Variants in KIF1A observed in about 807,000 individuals in gnomAD.
KIF1A encodes the protein kinesin-like protein KIF1A.
KIF1A carries 46 observed loss-of-function variants against 227.3 expected under a neutral mutation model. The observed-to-expected ratio is 0.20, with a 90% CI of 0.16 to 0.26. The LOEUF (loss-of-function observed/expected upper bound fraction) is 0.26. KIF1A is among the 10% of genes least tolerant of loss of function. The pLI, the probability that KIF1A is intolerant of heterozygous loss-of-function variation, is 1.00. For missense variants in KIF1A, 1,683 were observed against 2,485.9 expected (o/e 0.68, Z 6.87); for synonymous variants, 1,022 against 1,012.8 (o/e 1.01, Z -0.17).
At chr2:240,747,005 G>A (rs2048678899) in intron 29 of KIF1A, among the ~76,000 whole-genome samples, 1 of 152,208 alleles carries the variant, frequency 6.6e-6, no homozygotes, top group African/African-American at 2.4e-5. Flanking sequence ...TTGGACCCTG[G>A]AGCGGCCGTG....
chr2:240,727,347 C>T (rs1003081083), intron 38 of KIF1A, among the ~76,000 whole-genome samples: 1 of 152,040 alleles, frequency 6.6e-6, no homozygotes, highest in Non-Finnish European at 1.5e-5. Context: ...AGGACTCAGG[C>T]AGGGAGGAGA....
rs144299215 is a variant in KIF1A at position 240,807,377 on chromosome 2, A to C, written c.-60-9565T>G. On this transcript the variant is annotated intron_variant, in intron 1 of 48. Transcript: ENST00000498729. Reference sequence around the variant, plus strand: ...AGGCTGGTCTTGAACTCCCGACCTCAGATGATCTGCCCGCGCTGGCCTCCC... The same window carrying C: ...AGGCTGGTCTTGAACTCCCGACCTCCGATGATCTGCCCGCGCTGGCCTCCC... Among the ~76,000 whole-genome samples the C allele has an allele frequency of 9.7e-3, 1,482 of 152,230 alleles. 30 individuals carry two copies. Among genetic ancestry groups the C allele is most frequent in the African/African-American group, 0.034 (1,419 of 41,528 alleles).
Position 240,766,069 on chromosome 2 carries a change from C to T in KIF1A, c.1685-276G>A, listed in dbSNP as rs531534825. On this transcript the variant is annotated intron_variant, in intron 19 of 48. Coordinates refer to ENST00000498729, the MANE Select transcript of KIF1A (RefSeq NM_001244008.2). This position sits in a 1 kb window ranked among gnomAD's most constrained non-coding sequence, Gnocchi z 5.0. The stretch of plus-strand genomic sequence containing the variant: ...TGTGCTGGGCCTAATCACCCAGGGC[C>T]CTGTCCAGCTCCCCAGGTGGACAAG... 1.1e-4 allele frequency among the ~76,000 whole-genome samples: 16 copies of T among 152,230 alleles called. No homozygotes were observed. The highest frequency in any genetic ancestry group is 2.2e-4 in the Non-Finnish European group (15 of 68,036).
At chr2:240,737,287 T>A in intron 37 of KIF1A, 119 bp from the exon 38 acceptor site, 1 of 777,692 alleles carries the variant, frequency 1.3e-6, no homozygotes, top group Non-Finnish European at 2.3e-6. Flanking sequence ...CTAGAGCGTC[T>A]GTCAAAGGCG....
At chr2:240,765,829 A>G in intron 19 of KIF1A, 36 bp from the exon 20 acceptor site, 1 of 1,527,166 alleles carries the variant, frequency 6.5e-7, no homozygotes, top group Non-Finnish European at 9.1e-7. Flanking sequence ...GAGGAGGACT[A>G]TGAGGGGCTG....
Position 240,780,798 on chromosome 2 carries a change from C to CCACA in KIF1A, c.882+1788_882+1791dup, listed in dbSNP as rs534367981. The stretch of plus-strand genomic sequence containing the variant: ...CACACACACACACACACACACAGCT[C>CCACA]CACACACACACACACACACACACAC... On this transcript the variant is annotated intron_variant, in intron 10 of 48. Coordinates refer to ENST00000498729, the MANE Select transcript of KIF1A (RefSeq NM_001244008.2). 1.0e-3 allele frequency among the ~76,000 whole-genome samples: 35 copies of CCACA among 34,928 alleles called. 1 individual carries two copies. The highest frequency in any genetic ancestry group is 3.2e-3 in the African/African-American group (14 of 4,328). 22.9% of individuals were successfully genotyped at this position (34,928 alleles called of 152,430 possible).
At chr2:240,779,635 GTTCCTCACTCAC>G (rs1225590739) in intron 10 of KIF1A, among the ~76,000 whole-genome samples, 7 of 144,342 alleles carry the variant, frequency 4.8e-5, no homozygotes, top group Non-Finnish European at 1.0e-4. Flanking sequence ...TCCACACTCA[GTTCCTCACTCAC>G]TTCCTCACAG....
At position 240,758,427 on chromosome 2, in the gene KIF1A, A is replaced by G; in HGVS notation, c.2515T>C (p.Cys839Arg). ...TCTCCGCCGGTCACCACGTTGTCACAGTCCTCGATGACACTGGAGGGCACC... is the reference window on the plus strand; with the variant it reads ...TCTCCGCCGGTCACCACGTTGTCACGGTCCTCGATGACACTGGAGGGCACC... ...AEVPSSVIED[C>R]DNVVTGGDPF... Residue 839 changes from cysteine to arginine, a missense_variant, in exon 26 of 49, where the codon TGT (cysteine) becomes CGT (arginine). Physicochemically the swap from Cys to Arg is radical, Grantham distance 180. Coordinates refer to ENST00000498729, the MANE Select transcript of KIF1A (RefSeq NM_001244008.2). This position sits in a 1 kb window ranked among gnomAD's most constrained non-coding sequence, Gnocchi z 5.2. The G allele has an allele frequency of 1.2e-6, 2 of 1,612,846 alleles. No individual in the cohort carries two copies. Among genetic ancestry groups the G allele is most frequent in the Non-Finnish European group, 1.7e-6 (2 of 1,179,316 alleles).
At chr2:240,774,098 T>C (rs1247937289) in intron 12 of KIF1A, 85 bp downstream of exon 12, 9 of 843,952 alleles carry the variant, frequency 1.1e-5, no homozygotes, top group Non-Finnish European at 1.7e-5. Flanking sequence ...CCCTGGTCAC[T>C]GGTGCTTCCT....
At chr2:240,780,804 A>ACACACACACACACACAGCTC (rs2053607412) in intron 10 of KIF1A, among the ~76,000 whole-genome samples, 1 of 84,448 alleles carries the variant, frequency 1.2e-5, no homozygotes, top group Non-Finnish European at 2.1e-5. Flanking sequence ...AGCTCCACAC[A>ACACACACACACACACAGCTC]CACACACACA....
chr2:240,758,034 C>T lies in KIF1A; in HGVS notation c.2582+326G>A, dbSNP rs2050079323. 6.6e-6 allele frequency among the ~76,000 whole-genome samples: 1 copy of T among 152,226 alleles called. No homozygotes were observed. Among genetic ancestry groups the T allele is most frequent in the Non-Finnish European group, 1.5e-5 (1 of 68,042 alleles). On this transcript the variant is annotated intron_variant, in intron 26 of 48. Coordinates refer to ENST00000498729, the MANE Select transcript of KIF1A (RefSeq NM_001244008.2). The surrounding 1 kb of genome is among the most constrained non-coding windows in gnomAD (Gnocchi z 5.2). ...TGCCTCCATGTTCCCACCCTCAGGACCAACAGGTGACCTGGAAAGTTTGCT... is the reference window on the plus strand; with the variant it reads ...TGCCTCCATGTTCCCACCCTCAGGATCAACAGGTGACCTGGAAAGTTTGCT...
chr2:240,786,835 C>CCACCATCAGGACCCCTGAGTGAGAGGG, intron 5 of KIF1A, among the ~76,000 whole-genome samples: 1 of 151,844 alleles, frequency 6.6e-6, no homozygotes, highest in Non-Finnish European at 1.5e-5. Context: ...AGGGTGGGGG[C>CCACCATCAGGACCCCTGAGTGAGAGGG]TGCCTGCTGA....
rs573241553 is a variant in KIF1A at position 240,721,636 on chromosome 2, G to A, written c.4743+171C>T. Among the ~76,000 whole-genome samples the A allele has an allele frequency of 1.2e-3, 185 of 152,282 alleles. 1 individual carries two copies. Among genetic ancestry groups the A allele is most frequent in the African/African-American group, 3.9e-3 (164 of 41,562 alleles). On this transcript the variant is annotated intron_variant, in intron 44 of 48. Coordinates refer to ENST00000498729, the MANE Select transcript of KIF1A (RefSeq NM_001244008.2). Reference sequence around the variant, plus strand: ...CCCCACCTCCCATGGACCCCAGGCCGACCCAGGGAAACCAGCCACTTAGGT... The same window carrying A: ...CCCCACCTCCCATGGACCCCAGGCCAACCCAGGGAAACCAGCCACTTAGGT...
rs1397262208 is a variant in KIF1A, at chr2:240,786,771, C to CCCTGAGTGAGAGGGTGGGGGCCAGT, written c.430-259_430-258insACTGGCCCCCACCCTCTCACTCAGG. On this transcript the variant is annotated intron_variant, in intron 5 of 48. Coordinates refer to ENST00000498729, the MANE Select transcript of KIF1A (RefSeq NM_001244008.2). ...CCCTGAGTGAGAGGGTAGGGGCCACCATCAGGACCCCTGAGTGAGGGGGTG... is the reference window on the plus strand; with the variant it reads ...CCCTGAGTGAGAGGGTAGGGGCCACCCCTGAGTGAGAGGGTGGGGGCCAGTATCAGGACCCCTGAGTGAGGGGGTG... Among the ~76,000 whole-genome samples, 66 of 100,674 alleles carry CCCTGAGTGAGAGGGTGGGGGCCAGT rather than the reference C, an allele frequency of 6.6e-4. 2 individuals are homozygous for CCCTGAGTGAGAGGGTGGGGGCCAGT. Among genetic ancestry groups the CCCTGAGTGAGAGGGTGGGGGCCAGT allele is most frequent in the African/African-American group, 2.5e-3 (57 of 22,908 alleles). 66.0% of individuals were successfully genotyped at this position (100,674 alleles called of 152,430 possible). A position where few individuals can be genotyped will look rare whatever the true frequency, so the allele number is the denominator to read the frequency against.
chr2:240,798,726 C>A (rs910730159), intron 1 of KIF1A, among the ~76,000 whole-genome samples: 1 of 152,236 alleles, frequency 6.6e-6, no homozygotes, highest in Non-Finnish European at 1.5e-5. Flanking sequence ...GCTGCTGCTT[C>A]CCCGTGGGAC....
rs757090320 is a variant in KIF1A at position 240,722,519 on chromosome 2, C to A, written c.4602G>T (p.Ser1534=). Residue 1534 remains serine (S), a synonymous_variant, in exon 43 of 49, where the codon TCG becomes TCT. Coordinates refer to ENST00000498729, the MANE Select transcript of KIF1A (RefSeq NM_001244008.2). ...CCAGGGGTGATGGGCGGCCCTCAGC[C>A]GAGAGCGGGGAGGAGGCGCTGGAGG... is the stretch of plus-strand genomic sequence containing the variant. ...HGSSSASSPL[S]AEGRPSPLEA... is the part of the protein sequence containing the mutation. 5 of 1,548,166 alleles carry A rather than the reference C, an allele frequency of 3.2e-6. No individual in the cohort carries two copies. The Admixed American group carries it at 5.9e-5, about 18-fold the overall frequency.
At chr2:240,810,785 A>AG (rs886711712) in intron 1 of KIF1A, among the ~76,000 whole-genome samples, 1 of 152,056 alleles carries the variant, frequency 6.6e-6, no homozygotes, top group Admixed American at 6.5e-5. Flanking sequence ...CTGGGCGTGG[A>AG]GGGGGTCTAA....
rs2053017088 is a variant in KIF1A at position 240,778,054 on chromosome 2, C to T, written c.883-2128G>A. Among the ~76,000 whole-genome samples the T allele has an allele frequency of 1.3e-5, 2 of 152,116 alleles. No homozygotes were observed. Among genetic ancestry groups the T allele is most frequent in the Non-Finnish European group, 2.9e-5 (2 of 68,020 alleles). ...GCTCGCAGCTCACCACACAGTTCCT[C>T]AGCTCCTCCCGCTCCCCACGCACTT... On this transcript the variant is annotated intron_variant, in intron 10 of 48. Coordinates refer to ENST00000498729, the MANE Select transcript of KIF1A (RefSeq NM_001244008.2). The surrounding 1 kb of genome is among the most constrained non-coding windows in gnomAD (Gnocchi z 7.2).
chr2:240,735,980 C>G (rs1327054308), intron 38 of KIF1A, among the ~76,000 whole-genome samples: 1 of 151,476 alleles, frequency 6.6e-6, no homozygotes, highest in Admixed American at 6.6e-5. Context: ...CCAACCCCCA[C>G]CCCCCACTGT....
Sources: allele counts gnomAD v4.1 joint callset (sites outside exome capture counted in the v4.1 genomes callset), GRCh38; gene constraint gnomAD v4.1.1; non-coding constraint Gnocchi (gnomAD v3.1); transcripts MANE v1.5; gene names NCBI Gene and HGNC (gene_info 2026-07-23, HGNC 2026-07-21).